RNF126: variants seen among roughly 807,000 people sequenced by gnomAD.
RNF126 encodes E3 ubiquitin-protein ligase RNF126.
In RNF126, 20 loss-of-function variants were observed where a neutral mutation model predicts 41.9. That is an observed-to-expected ratio of 0.48 (90% confidence interval 0.34 to 0.69). The LOEUF (loss-of-function observed/expected upper bound fraction) is 0.69. Among genes scored for constraint, RNF126 ranks in the 30% least tolerant of loss-of-function variants. RNF126 has a pLI of 0.01. For synonymous variants in RNF126, 239 were observed against 202.9 expected (o/e 1.18, Z -1.51); for missense variants, 433 against 460.6 (o/e 0.94, Z 0.55).
chr19:663,064 T>A lies in RNF126; in HGVS notation c.58A>T (p.Ile20Phe). 7.3e-7 allele frequency: 1 copy of A among 1,378,966 alleles called. No homozygotes were observed. Among genetic ancestry groups the A allele is most frequent in the South Asian group, 1.5e-5 (1 of 65,830 alleles). The allele number at this position is 1,378,966 out of a possible 1,614,324, so 85.4% of individuals were successfully genotyped here. ...GGCCTCACCGGCAGGCGCGGGACGATCTCCACGGAGCAGCAGTGGCAGAAG... is the reference window on the plus strand; with the variant it reads ...GGCCTCACCGGCAGGCGCGGGACGAACTCCACGGAGCAGCAGTGGCAGAAG... The part of the protein sequence containing the change: ...RYFCHCCSVE[I>F]VPRLPDYICP... The change falls in exon 1 of 9, where the codon ATC (isoleucine) becomes TTC (phenylalanine). Residue 20 changes from isoleucine to phenylalanine, a missense_variant. Coordinates refer to ENST00000292363, the MANE Select transcript of RNF126 (RefSeq NM_194460.3).
Position 651,965 on chromosome 19 carries a change from G to A in RNF126, c.199-110C>T, listed in dbSNP as rs542373421. Reference sequence around the variant, plus strand: ...AGCAAGACGGGCCCTGCTGGGTGCCGGGTGGGAGGGAGACGCAGACAGGGA... The same window carrying A: ...AGCAAGACGGGCCCTGCTGGGTGCCAGGTGGGAGGGAGACGCAGACAGGGA... On this transcript the variant is annotated intron_variant, in intron 3 of 8. Transcript: ENST00000292363. The A allele has an allele frequency of 5.1e-5, 52 of 1,018,316 alleles. No homozygotes were observed. In the African/African-American group the frequency reaches 6.4e-4, roughly 12 times the overall value. 63.1% of individuals were successfully genotyped at this position (1,018,316 alleles called of 1,614,324 possible).
chr19:649,879 T>C, intron 5 of RNF126, 131 bp from the exon 6 acceptor site: 1 of 621,164 alleles, frequency 1.6e-6, no homozygotes, highest in Non-Finnish European at 2.9e-6. Flanking sequence ...GGACCCTGGC[T>C]GGGGATGGGG....
In RNF126 at chr19:648,197, G is replaced by A; in HGVS notation, c.867C>T (p.Ser289=). 1.2e-6 allele frequency: 2 copies of A among 1,607,080 alleles called. No homozygotes were observed. Among genetic ancestry groups the A allele is most frequent in the Non-Finnish European group, 1.7e-6 (2 of 1,176,456 alleles). Residue 289 remains serine, a synonymous_variant, in exon 9 of 9, where the codon AGC becomes AGT. Coordinates refer to ENST00000292363, the MANE Select transcript of RNF126 (RefSeq NM_194460.3). ...ATNPPGLTGV[S]FSSSSSSSSS... ...AGGACGATGACGACGAGGAGGAGAA[G>A]CTCACCCCAGTGAGGCCAGGGGGGT...
chr19:653,618 G>A (rs1489999932), intron 1 of RNF126, among the ~76,000 whole-genome samples: 1 of 152,220 alleles, frequency 6.6e-6, no homozygotes, highest in Admixed American at 6.5e-5. Context: ...ATGGATGGCT[G>A]GGCCCCTGGT....
chr19:657,233 G>A (rs1446067947), intron 1 of RNF126, among the ~76,000 whole-genome samples: 4 of 152,222 alleles, frequency 2.6e-5, no homozygotes, highest in African/African-American at 9.6e-5. Context: ...ACAAGCACGA[G>A]GCCCTGCACA....
chr19:658,951 G>A (rs1015305704), intron 1 of RNF126, among the ~76,000 whole-genome samples: 9 of 152,188 alleles, frequency 5.9e-5, no homozygotes, highest in African/African-American at 2.2e-4. Context: ...GCATCTGCCC[G>A]AGGCAGACCC....
chr19:655,748 G>C (rs530044690), intron 1 of RNF126, among the ~76,000 whole-genome samples: 17 of 152,278 alleles, frequency 1.1e-4, no homozygotes, highest in African/African-American at 3.8e-4. Flanking sequence ...CACATGGCCA[G>C]AACTGGCAGG....
At chr19:662,988 G>A (rs2030876347) in intron 1 of RNF126, 59 bp downstream of exon 1, 2 of 895,644 alleles carry the variant, frequency 2.2e-6, no homozygotes, top group Non-Finnish European at 3.0e-6. Context: ...CCCGGCCCCG[G>A]CCTTGCCTCA....
At chr19:655,707 G>A (rs868076824) in intron 1 of RNF126, among the ~76,000 whole-genome samples, 16 of 152,172 alleles carry the variant, frequency 1.1e-4, no homozygotes, top group African/African-American at 3.1e-4. Context: ...GCAGACCCCA[G>A]AGAAACGAAG....
rs4919878 is a variant in RNF126 at position 647,826 on chromosome 19, T to C, written c.*302A>G. On this transcript the variant is annotated 3_prime_UTR_variant, in exon 9 of 9. Coordinates refer to ENST00000292363, the MANE Select transcript of RNF126 (RefSeq NM_194460.3). ...GCCGCCACGTGAGCTCAAACGTCCGTTTATTTCAAAGCAGTAATAATTTAA... is the reference window on the plus strand; with the variant it reads ...GCCGCCACGTGAGCTCAAACGTCCGCTTATTTCAAAGCAGTAATAATTTAA... 1 of 503,530 alleles carries C rather than the reference T, an allele frequency of 2.0e-6. No homozygotes were observed. Among genetic ancestry groups the C allele is most frequent in the Non-Finnish European group, 3.7e-6 (1 of 270,954 alleles). 31.2% of individuals were successfully genotyped at this position (503,530 alleles called of 1,614,324 possible). A position where few individuals can be genotyped will look rare whatever the true frequency, so the allele number is the denominator to read the frequency against.
At position 663,001 on chromosome 19, in the gene RNF126, C is replaced by A. The variant is rs766105222; in HGVS notation, c.75+46G>T. ...ACCCCGGCCCCGGCCTTGCCTCAGG[C>A]CTGCGGCGCAGACCCTGCCGCCCGC... is the stretch of plus-strand genomic sequence containing the variant. On this transcript the variant is annotated intron_variant, in intron 1 of 8. Coordinates refer to ENST00000292363, the MANE Select transcript of RNF126 (RefSeq NM_194460.3). The A allele has an allele frequency of 1.5e-4, 165 of 1,082,114 alleles. 3 individuals carry two copies. In the South Asian group the frequency reaches 3.6e-3, roughly 24 times the overall value. The allele number at this position is 1,082,114 out of a possible 1,614,324, so 67.0% of individuals were successfully genotyped here.
chr19:648,355 G>A lies in RNF126; in HGVS notation c.786+17C>T. ...GGCCGCGGTCGGGGTGGGGGGGCGG[G>A]TGGGCGGGGCACTCACCTGCTCCAG... On this transcript the variant is annotated intron_variant, in intron 8 of 8. Coordinates refer to ENST00000292363, the MANE Select transcript of RNF126 (RefSeq NM_194460.3). 1.1e-6 allele frequency: 1 copy of A among 870,492 alleles called. No homozygotes were observed. Among genetic ancestry groups the A allele is most frequent in the Non-Finnish European group, 1.7e-6 (1 of 593,124 alleles). 53.9% of individuals were successfully genotyped at this position (870,492 alleles called of 1,614,324 possible).
In RNF126 at chr19:663,059, G is replaced by A. The variant is rs963402687; in HGVS notation, c.63C>T (p.Val21=). 41 of 1,378,258 alleles carry A rather than the reference G, an allele frequency of 3.0e-5. No individual in the cohort carries two copies. The East Asian group carries it at 3.3e-4, about 11-fold the overall frequency. 85.4% of individuals were successfully genotyped at this position (1,378,258 alleles called of 1,614,324 possible). Residue 21 remains valine, a synonymous_variant, in exon 1 of 9, where the codon GTC becomes GTT. Transcript: ENST00000292363. ...YFCHCCSVEI[V]PRLPDYICPR... ...GCCCGGGCCTCACCGGCAGGCGCGG[G>A]ACGATCTCCACGGAGCAGCAGTGGC...
At position 656,879 on chromosome 19, in the gene RNF126, C is replaced by T. The variant is rs189920379; in HGVS notation, c.76-3995G>A. ...TGGTTTCTGCCGGTGTCGGGTCTAT[C>T]GGGGCTCCTCTGGGCTCAGGGGTTG... On this transcript the variant is annotated intron_variant, in intron 1 of 8. Coordinates refer to ENST00000292363, the MANE Select transcript of RNF126 (RefSeq NM_194460.3). Among the ~76,000 whole-genome samples the T allele has an allele frequency of 5.5e-3, 837 of 152,298 alleles. 6 individuals are homozygous for T. Among genetic ancestry groups the T allele is most frequent in the African/African-American group, 0.019 (792 of 41,560 alleles).
chr19:657,727 G>A (rs2030619809), intron 1 of RNF126, among the ~76,000 whole-genome samples: 1 of 152,188 alleles, frequency 6.6e-6, no homozygotes, highest in Non-Finnish European at 1.5e-5. Flanking sequence ...AGGGCTCTGG[G>A]CTGTCTCTCA....
Position 663,146 on chromosome 19 carries a change from G to GCCCGCCC in RNF126, c.-32_-26dup. ...TGGCCGCCGCCACCTACTCCGCGCC[G>GCCCGCCC]CCCGCCCCCCGCGCGGCACCCGCCG... On this transcript the variant is annotated 5_prime_UTR_variant, in exon 1 of 9. Coordinates refer to ENST00000292363, the MANE Select transcript of RNF126 (RefSeq NM_194460.3). 8.6e-7 allele frequency: 1 copy of GCCCGCCC among 1,156,736 alleles called. No individual in the cohort carries two copies. The highest frequency in any genetic ancestry group is 1.1e-6 in the Non-Finnish European group (1 of 930,904). The allele number at this position is 1,156,736 out of a possible 1,614,324, so 71.7% of individuals were successfully genotyped here.
At chr19:657,172 T>C (rs1195329853) in intron 1 of RNF126, among the ~76,000 whole-genome samples, 3 of 152,162 alleles carry the variant, frequency 2.0e-5, no homozygotes, top group East Asian at 3.9e-4. Flanking sequence ...GGAGAAGCTG[T>C]CTCCCTCTGA....
At chr19:662,698 A>G (rs1427592164) in intron 1 of RNF126, among the ~76,000 whole-genome samples, 2 of 151,984 alleles carry the variant, frequency 1.3e-5, no homozygotes, top group Admixed American at 6.5e-5. Flanking sequence ...CTCCGTTTGC[A>G]AAACCAGGCT....
At position 648,479 on chromosome 19, in the gene RNF126, GC is replaced by G; in HGVS notation, c.678del (p.Leu227SerfsTer62). ...TCGTCCTTGCACACAGGGCACTCGA[GC>G]CCGGAGCCTGCGGGAGTGTGCAGCT... is the stretch of plus-strand genomic sequence containing the variant. ...VPVTEEHVGS[G>X]LECPVCKDDY... On this transcript the variant is annotated frameshift_variant, in exon 8 of 9. Transcript: ENST00000292363. LOFTEE classifies it high-confidence loss of function. 6.4e-7 allele frequency: 1 copy of G among 1,574,640 alleles called. No homozygotes were observed. The highest frequency in any genetic ancestry group is 2.2e-4 in the Middle Eastern group (1 of 4,464).
Sources: gnomAD v4.1 joint callset for allele counts (sites outside exome capture counted in the v4.1 genomes callset) on GRCh38, gnomAD v4.1.1 for gene constraint, MANE v1.5 for transcripts, NCBI Gene and HGNC (gene_info 2026-07-23, HGNC 2026-07-21) for gene names.